The following DPP10 variants were observed in gnomAD, a reference collection of about 807,000 sequenced individuals.
The protein encoded by DPP10 is inactive dipeptidyl peptidase 10.
In DPP10, 33 loss-of-function variants were observed where a neutral mutation model predicts 120.9. The observed-to-expected ratio is 0.27, with a 90% CI of 0.21 to 0.37. DPP10 has a LOEUF of 0.37. DPP10 is among the 10% of genes least tolerant of loss of function. DPP10 has a pLI of 1.00. For missense variants in DPP10, 816 were observed against 942.8 expected (o/e 0.87, Z 1.76); for synonymous variants, 337 against 326.1 (o/e 1.03, Z -0.36).
At chr2:115,834,504 A>AT (rs35220280) in intron 21 of DPP10, among the ~76,000 whole-genome samples, 56,877 of 148,126 alleles carry the variant, frequency 0.38, 11,034 homozygotes, top group Middle Eastern at 0.53. Context: ...TCAGTAGGTC[A>AT]TTTTTTTTTT....
chr2:115,556,799 T>C (rs1478993400), intron 5 of DPP10, among the ~76,000 whole-genome samples: 2 of 152,150 alleles, frequency 1.3e-5, no homozygotes, highest in Admixed American at 1.3e-4. Flanking sequence ...GCACTTTCAC[T>C]ATCTGAAAAC....
At chr2:114,796,630 C>G (rs1380023328) in intron 1 of DPP10, among the ~76,000 whole-genome samples, 1 of 152,052 alleles carries the variant, frequency 6.6e-6, no homozygotes, top group East Asian at 1.9e-4. Context: ...CCCTAACTTC[C>G]ATGTTATTTA....
intron 1 of DPP10, among the ~76,000 whole-genome samples, chr2:114,813,595 C>T (rs1430839866): frequency 6.6e-6 from 1 of 152,122 alleles, no homozygotes; most frequent in Non-Finnish European, 1.5e-5. Flanking sequence ...ATCTTACTAC[C>T]TTATTCTAGT....
chr2:115,115,791 A>T (rs2104706766), intron 1 of DPP10, among the ~76,000 whole-genome samples: 1 of 152,292 alleles, frequency 6.6e-6, no homozygotes, highest in East Asian at 1.9e-4. Context: ...TAAAAAGAAA[A>T]TGCTCAAGAT....
intron 3 of DPP10, among the ~76,000 whole-genome samples, chr2:115,354,636 T>A (rs915701350): frequency 6.6e-6 from 1 of 151,940 alleles, no homozygotes; most frequent in African/African-American, 2.4e-5. Context: ...GTTTGTTACA[T>A]AGGTATACAT....
intron 3 of DPP10, among the ~76,000 whole-genome samples, chr2:115,425,715 T>G (rs1216738693): frequency 6.6e-6 from 1 of 152,202 alleles, no homozygotes. Flanking sequence ...TGGCCATTTT[T>G]GCATTGCTAT....
chr2:115,587,171 C>A (rs1367657510), intron 5 of DPP10, among the ~76,000 whole-genome samples: 18 of 140,822 alleles, frequency 1.3e-4, no homozygotes, highest in African/African-American at 3.5e-4. Flanking sequence ...GATCTTGGCT[C>A]ACTGCAAGCT....
At chr2:115,172,066 C>T (rs1389847975) in intron 1 of DPP10, among the ~76,000 whole-genome samples, 1 of 152,226 alleles carries the variant, frequency 6.6e-6, no homozygotes, top group African/African-American at 2.4e-5. Context: ...CACACAGCAT[C>T]TGAAATTGCA....
chr2:114,900,565 A>G (rs1378395337), intron 1 of DPP10, among the ~76,000 whole-genome samples: 2 of 152,212 alleles, frequency 1.3e-5, no homozygotes, highest in Non-Finnish European at 2.9e-5. Flanking sequence ...TTTGTCTTCT[A>G]CAATTGCTAT....
chr2:115,178,718 G>A (rs1308099496), intron 1 of DPP10, among the ~76,000 whole-genome samples: 2 of 152,112 alleles, frequency 1.3e-5, no homozygotes, highest in African/African-American at 4.8e-5. Context: ...TGATATGTTG[G>A]CATCCACTTC....
intron 1 of DPP10, among the ~76,000 whole-genome samples, chr2:115,291,780 C>T (rs890047277): frequency 3.3e-5 from 5 of 152,098 alleles, no homozygotes; most frequent in Non-Finnish European, 7.4e-5. Context: ...ATTGTAGACT[C>T]ATTACTTTTG....
intron 7 of DPP10, among the ~76,000 whole-genome samples, chr2:115,716,812 G>A (rs975197368): frequency 6.6e-6 from 1 of 151,738 alleles, no homozygotes; most frequent in African/African-American, 2.4e-5. Context: ...GGAAAAATGT[G>A]CATGGGAGAT....
intron 1 of DPP10, among the ~76,000 whole-genome samples, chr2:115,152,520 A>G (rs1010998749): frequency 6.6e-6 from 1 of 152,172 alleles, no homozygotes; most frequent in Non-Finnish European, 1.5e-5. Context: ...TGACTTTTCA[A>G]CCTAAAGGAG....
chr2:114,727,107 A>T (rs1275082540), intron 1 of DPP10, among the ~76,000 whole-genome samples: 1 of 151,854 alleles, frequency 6.6e-6, no homozygotes, highest in East Asian at 1.9e-4. Flanking sequence ...TTTCTTTTTC[A>T]CTCCTGATAG....
intron 1 of DPP10, among the ~76,000 whole-genome samples, chr2:115,109,794 A>C (rs948637055): frequency 5.3e-5 from 8 of 152,310 alleles, no homozygotes; most frequent in Middle Eastern, 3.4e-3. Context: ...GACTGGTATC[A>C]ATTGGATAGA....
intron 1 of DPP10, among the ~76,000 whole-genome samples, chr2:115,305,651 T>C (rs1397267680): frequency 6.6e-6 from 1 of 152,054 alleles, no homozygotes; most frequent in African/African-American, 2.4e-5. Context: ...GGCAGGAAGA[T>C]GACTTGAGCC....
intron 1 of DPP10, among the ~76,000 whole-genome samples, chr2:115,084,345 T>C (rs1055422280): frequency 1.3e-5 from 2 of 152,192 alleles, no homozygotes; most frequent in African/African-American, 2.4e-5. Context: ...CTCAACATTA[T>C]CTGAAAATTG....
chr2:115,192,842 C>T (rs892556413), intron 1 of DPP10, among the ~76,000 whole-genome samples: 18 of 151,404 alleles, frequency 1.2e-4, no homozygotes, highest in Admixed American at 3.3e-4. Flanking sequence ...AAGAAAAACC[C>T]ATTGTGCTTT....
At chr2:115,035,282 A>C (rs1478769105) in intron 1 of DPP10, among the ~76,000 whole-genome samples, 3 of 152,028 alleles carry the variant, frequency 2.0e-5, no homozygotes, top group Non-Finnish European at 4.4e-5. Flanking sequence ...TTCCATCCCT[A>C]CCCCAGTCAG....
Sources: allele counts gnomAD v4.1 joint callset (sites outside exome capture counted in the v4.1 genomes callset), GRCh38; gene constraint gnomAD v4.1.1; transcripts MANE v1.5; gene names NCBI Gene and HGNC (gene_info 2026-07-23, HGNC 2026-07-21).